BRCA1: variants seen among roughly 807,000 people sequenced by gnomAD.
The protein encoded by BRCA1 is BRCA1 DNA repair associated.
BRCA1 carries 140 observed loss-of-function variants against 173.7 expected under a neutral mutation model. The observed-to-expected ratio is 0.81, with a 90% CI of 0.70 to 0.93. The LOEUF (loss-of-function observed/expected upper bound fraction) is 0.93, where lower values mean the gene tolerates loss of function less well. Ranked by LOEUF, BRCA1 falls within the 40% of genes least tolerant of loss-of-function variation. The pLI is 0.00. For missense variants in BRCA1, 1,983 were observed against 2,172.5 expected, an observed-to-expected ratio of 0.91 and a Z score of 1.73; for synonymous variants, 662 against 756.0, an observed-to-expected ratio of 0.88 and a Z score of 2.04.
chr17:43,157,841 T>C (rs918315284), intron 1 of BRCA1, among the ~76,000 whole-genome samples: 10 of 151,268 alleles, frequency 6.6e-5, no homozygotes, highest in African/African-American at 2.4e-4. Context: ...TACTAAGAAA[T>C]ACAAAATTAG....
intron 3 of BRCA1, among the ~76,000 whole-genome samples, chr17:43,108,591 G>C (rs1215966052): frequency 6.7e-6 from 1 of 149,762 alleles, no homozygotes; most frequent in Non-Finnish European, 1.5e-5. Context: ...CTGAGTCCCA[G>C]CTACTTGGGA....
chr17:43,049,249 G>T, intron 20 of BRCA1, 55 bp from the exon 21 acceptor site: 1 of 1,511,296 alleles, frequency 6.6e-7, no homozygotes. Context: ...ACTTAACCCA[G>T]GCCCTCTACC....
intron 3 of BRCA1, among the ~76,000 whole-genome samples, chr17:43,108,732 A>AT: frequency 6.7e-6 from 1 of 148,702 alleles, no homozygotes; most frequent in South Asian, 2.1e-4. Flanking sequence ...AAAAAAAAAA[A>AT]GGCCAGGAGC....
At position 43,074,410 on chromosome 17, in the gene BRCA1, A is replaced by G. The variant is rs1567777953; in HGVS notation, c.4596T>C (p.Val1532=). 3 of 1,614,178 alleles carry G rather than the reference A, an allele frequency of 1.9e-6. No homozygotes were observed. The highest frequency in any genetic ancestry group is 2.5e-6 in the Non-Finnish European group (3 of 1,180,036). The change falls in exon 14 of 23, where the codon GTT becomes GTC. Residue 1532 remains valine, a synonymous_variant. Transcript: ENST00000357654. The part of the protein sequence containing the change: ...YPSQEELIKV[V]DVEEQQLEES... ...CTTCCAGCTGTTGCTCCTCCACATC[A>G]ACAACCTTAATGAGCTCCTCTTGAG...
chr17:43,093,085 G>T lies in BRCA1; in HGVS notation c.2446C>A (p.His816Asn), dbSNP rs1597869935. ...TTTCTATTATCTTTGGAACAACCAT[G>T]AATTAGTCCCTTGGGGTTTTCAAAT... ...AAFENPKGLI[H>N]GCSKDNRNDT... Residue 816 changes from histidine (H) to asparagine (N), a missense_variant, in exon 10 of 23, where the codon CAT (histidine) becomes AAT (asparagine). His to Asn is a moderately conservative substitution (Grantham distance 68). Transcript: ENST00000357654. The T allele has an allele frequency of 6.2e-7, 1 of 1,613,652 alleles. No individual in the cohort carries two copies. The highest frequency in any genetic ancestry group is 8.5e-7 in the Non-Finnish European group (1 of 1,179,984).
chr17:43,090,121 G>T (rs1215638235), intron 11 of BRCA1, among the ~76,000 whole-genome samples: 1 of 151,816 alleles, frequency 6.6e-6, no homozygotes, highest in African/African-American at 2.4e-5. Flanking sequence ...ATTAGGAAGA[G>T]AACCCTATAG....
At chr17:43,057,008 G>C (rs2051490741) in intron 19 of BRCA1, 44 bp downstream of exon 19, 7 of 1,566,616 alleles carry the variant, frequency 4.5e-6, no homozygotes, top group Non-Finnish European at 6.2e-6. Context: ...GGAATACAGA[G>C]TGGTGGGGTG....
At chr17:43,100,632 T>G (rs1221828460) in intron 6 of BRCA1, among the ~76,000 whole-genome samples, 2 of 43,210 alleles carry the variant, frequency 4.6e-5, no homozygotes, top group African/African-American at 2.4e-4. Flanking sequence ...TATATATATG[T>G]TATATATATA....
chr17:43,064,827 A>ATTTTTTT (rs60879064), intron 16 of BRCA1, among the ~76,000 whole-genome samples: 4 of 106,694 alleles, frequency 3.7e-5, no homozygotes, highest in Non-Finnish European at 7.2e-5. Flanking sequence ...TTTGATTTGC[A>ATTTTTTT]TTTTTTTTTT....
intron 1 of BRCA1, among the ~76,000 whole-genome samples, chr17:43,147,976 TGTTA>T (rs1373624822): frequency 2.0e-5 from 3 of 152,190 alleles, no homozygotes; most frequent in African/African-American, 7.2e-5. Context: ...GATGTGTCCT[TGTTA>T]GTTCCATCCA....
chr17:43,045,690 GTGGGGGATC>G lies in BRCA1; in HGVS notation c.5571_5579del (p.Gln1857_Pro1859del), dbSNP rs775417240. 35 of 1,613,712 alleles carry G rather than the reference GTGGGGGATC, an allele frequency of 2.2e-5. No individual in the cohort carries two copies. The South Asian group carries it at 3.8e-4, about 18-fold the overall frequency. On this transcript the variant is annotated inframe_deletion, in exon 23 of 23. Transcript: ENST00000357654. ...TGGCTGGCTGCAGTCAGTAGTGGCTGTGGGGGATCTGGGGTATCAGGTAGGTGTCCAGCT... is the reference window on the plus strand; with the variant it reads ...TGGCTGGCTGCAGTCAGTAGTGGCTGTGGGGTATCAGGTAGGTGTCCAGCT...
At chr17:43,086,113 C>T (rs1044359282) in intron 11 of BRCA1, among the ~76,000 whole-genome samples, 6 of 144,772 alleles carry the variant, frequency 4.1e-5, no homozygotes, top group Middle Eastern at 3.7e-3. Flanking sequence ...CATACATACA[C>T]ACACACACAC....
At chr17:43,116,454 C>T (rs2055299098) in intron 2 of BRCA1, among the ~76,000 whole-genome samples, 1 of 152,214 alleles carries the variant, frequency 6.6e-6, no homozygotes, top group Admixed American at 6.5e-5. Context: ...CAGCCTTGAA[C>T]TCCTGGGCTC....
chr17:43,083,871 T>C (rs1322032256), intron 11 of BRCA1, among the ~76,000 whole-genome samples: 1 of 152,160 alleles, frequency 6.6e-6, no homozygotes, highest in African/African-American at 2.4e-5. Context: ...ATTTTATTTA[T>C]TTATTTTTTT....
intron 1 of BRCA1, among the ~76,000 whole-genome samples, chr17:43,145,715 A>C (rs559664665): frequency 2.0e-4 from 31 of 152,158 alleles, no homozygotes; most frequent in African/African-American, 7.5e-4. Context: ...ATCCCACCTC[A>C]TTCCATTTTT....
At chr17:43,099,221 T>A (rs2054264844) in intron 7 of BRCA1, among the ~76,000 whole-genome samples, 1 of 151,992 alleles carries the variant, frequency 6.6e-6, no homozygotes, top group Admixed American at 6.6e-5. Context: ...CTACTCTCCA[T>A]CTTTCCAAAA....
In BRCA1 at chr17:43,045,628, G is replaced by A. The variant is rs2050849332; in HGVS notation, c.*50C>T. On this transcript the variant is annotated 3_prime_UTR_variant, in exon 23 of 23. Coordinates refer to ENST00000357654, the MANE Select transcript of BRCA1 (RefSeq NM_007294.4). Reference sequence around the variant, plus strand: ...TCCCAGGGCCTGGAAAGGCCACTTTGTAAGCTCATTCTTGGGGTCCTGTGG... The same window carrying A: ...TCCCAGGGCCTGGAAAGGCCACTTTATAAGCTCATTCTTGGGGTCCTGTGG... 5 of 1,613,242 alleles carry A rather than the reference G, an allele frequency of 3.1e-6. No homozygotes were observed. Among genetic ancestry groups the A allele is most frequent in the Non-Finnish European group, 2.5e-6 (3 of 1,179,652 alleles).
In BRCA1 at chr17:43,063,911, T is replaced by C. The variant is rs772885662; in HGVS notation, c.5115A>G (p.Leu1705=). ...CTACCCATTTTCCTCCCGCAATTCC[T>C]AGAAAATATTTCAGTGTCCGTTCAC... ...FVCERTLKYF[L]GIAGGKWVVS... The change falls in exon 17 of 23, where the codon CTA becomes CTG. Residue 1705 remains leucine (L), a synonymous_variant. Transcript: ENST00000357654. The C allele has an allele frequency of 6.2e-7, 1 of 1,614,104 alleles. No homozygotes were observed. The highest frequency in any genetic ancestry group is 1.1e-5 in the South Asian group (1 of 91,076).
Position 43,078,281 on chromosome 17 carries a change from T to C in BRCA1, c.4358-1667A>G, listed in dbSNP as rs990105295. On this transcript the variant is annotated intron_variant, in intron 12 of 22. Coordinates refer to ENST00000357654, the MANE Select transcript of BRCA1 (RefSeq NM_007294.4). ...TGTATTTTTTGTAGAGATGGGGTTT[T>C]ACCATGTTGGCCAGGCTGGTCTTAA... Among the ~76,000 whole-genome samples the C allele has an allele frequency of 7.9e-5, 12 of 152,080 alleles. No individual in the cohort carries two copies. In the East Asian group the frequency reaches 2.3e-3, roughly 30 times the overall value.
Sources: gnomAD v4.1 joint callset for allele counts (sites outside exome capture counted in the v4.1 genomes callset) on GRCh38, gnomAD v4.1.1 for gene constraint, MANE v1.5 for transcripts, NCBI Gene and HGNC (gene_info 2026-07-23, HGNC 2026-07-21) for gene names.